Variants in NDC80 observed in about 807,000 individuals in gnomAD.
NDC80 encodes the protein NDC80 kinetochore complex component, also known as kinetochore protein NDC80 homolog.
NDC80 carries 69 observed loss-of-function variants against 89.3 expected under a neutral mutation model. That is an observed-to-expected ratio of 0.77 (90% confidence interval 0.64 to 0.94). The LOEUF is 0.94. Among genes scored for constraint, NDC80 ranks in the 40% least tolerant of loss-of-function variants. The probability of loss-of-function intolerance (pLI) is 0.00; values close to 1 mark genes in which losing one functional copy is unlikely to be tolerated. For missense variants in NDC80, 593 were observed against 739.6 expected, an observed-to-expected ratio of 0.80 and a Z score of 2.30; for synonymous variants, 243 against 255.6, an observed-to-expected ratio of 0.95 and a Z score of 0.47.
chr18:2,571,996 G>A (rs1188640622), intron 1 of NDC80, among the ~76,000 whole-genome samples: 1 of 152,222 alleles, frequency 6.6e-6, no homozygotes, highest in Non-Finnish European at 1.5e-5. Flanking sequence ...GACTCGTTGG[G>A]TGGGTTGCGT....
intron 1 of NDC80, among the ~76,000 whole-genome samples, chr18:2,572,749 G>T (rs1049567997): frequency 6.6e-6 from 1 of 152,130 alleles, no homozygotes; most frequent in Non-Finnish European, 1.5e-5. Context: ...TATATAGTGG[G>T]CAGTTAATAA....
chr18:2,584,583 A>C (rs1274462972), intron 6 of NDC80, among the ~76,000 whole-genome samples: 1 of 152,052 alleles, frequency 6.6e-6, no homozygotes. Flanking sequence ...TTATGTTATC[A>C]CTTGCAGTTT....
chr18:2,613,100 T>C (rs2072754008), intron 16 of NDC80, among the ~76,000 whole-genome samples: 1 of 152,226 alleles, frequency 6.6e-6, no homozygotes, highest in Non-Finnish European at 1.5e-5. Context: ...CACATGTGGC[T>C]TGATGTTCTA....
At chr18:2,591,179 G>A (rs1476945589) in intron 10 of NDC80, among the ~76,000 whole-genome samples, 1 of 152,172 alleles carries the variant, frequency 6.6e-6, no homozygotes, top group Non-Finnish European at 1.5e-5. Context: ...AGTTCTCGGG[G>A]AAAAGAGCAA....
At position 2,573,063 on chromosome 18, in the gene NDC80, A is replaced by T. The variant is rs749764984; in HGVS notation, c.78A>T (p.Lys26Asn). 2 of 1,614,072 alleles carry T rather than the reference A, an allele frequency of 1.2e-6. No individual in the cohort carries two copies. The highest frequency in any genetic ancestry group is 1.7e-6 in the Non-Finnish European group (2 of 1,179,974). The change falls in exon 2 of 17, where the codon AAA becomes AAT. Residue 26 changes from lysine (K) to asparagine (N), a missense_variant. Transcript: ENST00000261597. Reference protein sequence around the residue: ...MQELRSQDVNKQGLYTPQTKE... With the variant: ...MQELRSQDVNNQGLYTPQTKE... ...AGTTAAGATCCCAGGATGTAAATAA[A>T]CAAGGCCTCTATACCCCTCAAACGT... is the stretch of plus-strand genomic sequence containing the variant.
At chr18:2,590,250 G>A (rs2072621066) in intron 10 of NDC80, 88 bp downstream of exon 10, 1 of 1,354,550 alleles carries the variant, frequency 7.4e-7, no homozygotes, top group South Asian at 1.7e-5. Context: ...CATATCTTTT[G>A]TTGTTCTGTG....
intron 10 of NDC80, among the ~76,000 whole-genome samples, chr18:2,593,040 G>C (rs1268193657): frequency 4.8e-4 from 61 of 127,006 alleles, no homozygotes; most frequent in African/African-American, 2.0e-3. Flanking sequence ...GTGTGTGTGT[G>C]TGTGTGTGTG....
intron 13 of NDC80, 35 bp from the exon 14 acceptor site, chr18:2,606,380 G>A: frequency 2.1e-6 from 3 of 1,416,704 alleles, no homozygotes; most frequent in Non-Finnish European, 2.9e-6. Context: ...TTGATGTATA[G>A]TTATGATTTC....
At chr18:2,611,004 G>T in intron 16 of NDC80, 143 bp downstream of exon 16, 4 of 396,980 alleles carry the variant, frequency 1.0e-5, no homozygotes, top group South Asian at 6.7e-5. Context: ...GAAGAATCTT[G>T]TCTAGTGATG....
chr18:2,599,599 C>T (rs1406827527), intron 12 of NDC80, among the ~76,000 whole-genome samples: 1 of 152,048 alleles, frequency 6.6e-6, no homozygotes, highest in Non-Finnish European at 1.5e-5. Context: ...GAATTCCAGG[C>T]ACAAGGGCAC....
chr18:2,577,041 T>C (rs1297819841), intron 3 of NDC80, among the ~76,000 whole-genome samples: 5 of 152,202 alleles, frequency 3.3e-5, no homozygotes, highest in Non-Finnish European at 7.3e-5. Context: ...TCTTAAGGTA[T>C]TTTTGTAATG....
At chr18:2,587,994 A>G in intron 8 of NDC80, 71 bp downstream of exon 8, 2 of 1,217,210 alleles carry the variant, frequency 1.6e-6, no homozygotes, top group Non-Finnish European at 2.4e-6. Flanking sequence ...TAATTTATTT[A>G]CCATATCCAG....
chr18:2,608,720 A>C lies in NDC80; in HGVS notation c.1578A>C (p.Glu526Asp). The C allele has an allele frequency of 6.2e-7, 1 of 1,612,658 alleles. No individual in the cohort carries two copies. Residue 526 changes from glutamate to aspartate, a missense_variant, in exon 15 of 17, where the codon GAA becomes GAC. Physicochemically the swap from Glu to Asp is conservative, Grantham distance 45. Transcript: ENST00000261597. ...GATAGGAAGCAGAGGAAGAGGATGA[A>C]AAATGTGCCAGTGAGCTTGAGTCCT... ...QKIKEAEEED[E>D]KCASELESLE...
chr18:2,596,755 A>G (rs1693740429), intron 11 of NDC80, among the ~76,000 whole-genome samples: 1 of 152,072 alleles, frequency 6.6e-6, no homozygotes, highest in South Asian at 2.1e-4. Context: ...TATTCACAAT[A>G]GCAAAGACTT....
intron 6 of NDC80, among the ~76,000 whole-genome samples, chr18:2,580,271 A>G (rs528531245): frequency 1.3e-5 from 2 of 152,130 alleles, no homozygotes; most frequent in South Asian, 4.1e-4. Flanking sequence ...TTTGCAAGTC[A>G]AAAATGGTCG....
rs1215870409 is a variant in NDC80, at chr18:2,599,098, G to A, written c.1301G>A (p.Gly434Asp). 16 of 1,612,814 alleles carry A rather than the reference G, an allele frequency of 9.9e-6. No homozygotes were observed. The highest frequency in any genetic ancestry group is 1.4e-5 in the Non-Finnish European group (16 of 1,179,352). The change falls in exon 12 of 17, where the codon GGT becomes GAT. Residue 434 changes from glycine to aspartate, a missense_variant. Gly to Asp is a moderately conservative substitution (Grantham distance 94). Transcript: ENST00000261597. ...CCTAAAGGTGCTGAGAATTCCAAAG[G>A]TTATGACTTTGAAATTAAGTTTAAT... ...LIPKGAENSK[G>D]YDFEIKFNPE...
chr18:2,594,874 A>G (rs1480917126), intron 10 of NDC80: 1 of 152,230 alleles, frequency 6.6e-6, no homozygotes, highest in Non-Finnish European at 1.5e-5. Context: ...CGATATTACA[A>G]AAGTTCCATT....
chr18:2,604,536 G>C (rs1215904551), intron 13 of NDC80, among the ~76,000 whole-genome samples: 2 of 152,172 alleles, frequency 1.3e-5, no homozygotes, highest in African/African-American at 4.8e-5. Flanking sequence ...ATAAAAATTA[G>C]CTGGATGTAG....
rs148077669 is a variant in NDC80 at position 2,577,815 on chromosome 18, G to A, written c.249G>A (p.Pro83=). The stretch of plus-strand genomic sequence containing the variant: ...CCAGTTCTGAGAAAATCAAGGACCC[G>A]AGACCACTTAATGACAAAGCATTCA... The part of the protein sequence containing the change: ...IFSSSEKIKD[P]RPLNDKAFIQ... Residue 83 remains proline (P), a synonymous_variant, in exon 4 of 17, where the codon CCG becomes CCA. Transcript: ENST00000261597. The A allele has an allele frequency of 8.1e-6, 13 of 1,613,936 alleles. No homozygotes were observed. The highest frequency in any genetic ancestry group is 1.1e-5 in the South Asian group (1 of 91,082).
Sources: gnomAD v4.1 joint callset for allele counts (sites outside exome capture counted in the v4.1 genomes callset) on GRCh38, gnomAD v4.1.1 for gene constraint, MANE v1.5 for transcripts, NCBI Gene and HGNC (gene_info 2026-07-23, HGNC 2026-07-21) for gene names.